The following HUWE1 variants were observed in gnomAD, a reference collection of about 807,000 sequenced individuals.
The protein encoded by HUWE1 is E3 ubiquitin-protein ligase HUWE1.
A neutral mutation model predicts 299.4 loss-of-function variants in HUWE1; 18 were observed. The observed-to-expected ratio is 0.06, with a 90% CI of 0.04 to 0.09. The LOEUF is 0.09. HUWE1 is among the 10% of genes least tolerant of loss of function. The probability of loss-of-function intolerance (pLI) is 1.00; values close to 1 mark genes in which losing one functional copy is unlikely to be tolerated. For synonymous variants in HUWE1, 1,317 were observed against 1,286.1 expected (o/e 1.02, Z -0.51); for missense variants, 1,832 against 3,462.3 (o/e 0.53, Z 11.82).
At chrX:53,604,245 T>C (rs1049079862) in intron 26 of HUWE1, among the ~76,000 whole-genome samples, 1 of 112,066 alleles carries the variant, frequency 8.9e-6, no homozygotes, top group African/African-American at 3.3e-5. Context: ...TTAATTACTA[T>C]TGATTTAAAT....
rs1346083551 is a variant in HUWE1, at chrX:53,592,475, G to C, written c.3895C>G (p.Arg1299Gly). 3.3e-6 allele frequency: 4 copies of C among 1,208,433 alleles called. No homozygotes were observed. The East Asian group carries it at 1.2e-4, about 36-fold the overall frequency. The change falls in exon 33 of 84, where the codon CGA becomes GGA. Residue 1299 changes from arginine to glycine, a missense_variant. This residue lies in a region of HUWE1 where 658 missense variants were observed against 1,282.6 expected (regional missense o/e 0.51). Transcript: ENST00000262854. ...TCTTGCCCTGTATCCTCTTCTCCTC[G>C]AGACCCCTCCTTCTCCTTGCTTAGT... Reference protein sequence around the residue: ...ERLSKEKEGSRGEEDTGQEEG... With the variant: ...ERLSKEKEGSGGEEDTGQEEG...
At chrX:53,666,980 T>A (rs782163207) in intron 3 of HUWE1, among the ~76,000 whole-genome samples, 4 of 112,423 alleles carry the variant, frequency 3.6e-5, no homozygotes, top group Non-Finnish European at 7.5e-5. Flanking sequence ...AACCTTCATC[T>A]TTCCATTCAA....
Position 53,547,655 on chromosome X carries a change from G to T in HUWE1, c.10636+18C>A, listed in dbSNP as rs782426327. The T allele has an allele frequency of 2.5e-6, 3 of 1,207,926 alleles. No homozygotes were observed. The East Asian group carries it at 8.9e-5, about 36-fold the overall frequency. On this transcript the variant is annotated intron_variant, in intron 68 of 83. Coordinates refer to ENST00000262854, the MANE Select transcript of HUWE1 (RefSeq NM_031407.7). ...CACAGTATATACCCCACAGCTCCCA[G>T]TCTACATCCACACTTACTTGAAACA...
chrX:53,548,048 T>A lies in HUWE1; in HGVS notation c.10261A>T (p.Thr3421Ser), dbSNP rs781983186. ...VPVSAGGEGETSPYSLEASPL... is the reference protein window; with the variant it reads ...VPVSAGGEGESSPYSLEASPL... ...GAGGCCTCGAGGCTGTATGGAGAGG[T>A]TTCCCCCTCACCGCCAGCGCTCACT... is the stretch of plus-strand genomic sequence containing the variant. Residue 3421 changes from threonine (T) to serine (S), a missense_variant, in exon 68 of 84, where the codon ACC (threonine) becomes TCC (serine). Thr to Ser is a moderately conservative substitution (Grantham distance 58). Coordinates refer to ENST00000262854, the MANE Select transcript of HUWE1 (RefSeq NM_031407.7). 62 of 1,207,987 alleles carry A rather than the reference T, an allele frequency of 5.1e-5. No homozygotes were observed. The South Asian group carries it at 8.5e-4, about 17-fold the overall frequency.
At chrX:53,625,808 GCCGGGGCCAGGGCCGGGACCAGGA>G (rs782713285) in intron 17 of HUWE1, 8 of 123,997 alleles carry the variant, frequency 6.5e-5, no homozygotes, top group East Asian at 2.7e-4. Flanking sequence ...CAGGGCCAGG[GCCGGGGCCAGGGCCGGGACCAGGA>G]CCGGGGCCGG....
At chrX:53,661,866 T>C (rs1557045688) in intron 3 of HUWE1, among the ~76,000 whole-genome samples, 1 of 112,194 alleles carries the variant, frequency 8.9e-6, no homozygotes. Flanking sequence ...ATCTTGGTTT[T>C]GTACAGTTTA....
chrX:53,534,279 G>T, intron 82 of HUWE1, 82 bp from the exon 83 acceptor site: 2 of 887,442 alleles, frequency 2.3e-6, no homozygotes, highest in South Asian at 2.1e-5. Context: ...TAGGAAACAG[G>T]ACTGGACTTG....
chrX:53,581,056 T>A, intron 42 of HUWE1, 30 bp from the exon 43 acceptor site: 1 of 1,111,208 alleles, frequency 9.0e-7, no homozygotes, highest in African/African-American at 1.8e-5. Context: ...ACACTGTCGA[T>A]TAAACACTAC....
At chrX:53,534,260 G>T in intron 82 of HUWE1, 63 bp from the exon 83 acceptor site, 1 of 999,770 alleles carries the variant, frequency 1.0e-6, no homozygotes, top group East Asian at 3.1e-5. Context: ...GGGTGGGGGG[G>T]ATGGAATCTA....
rs782540116 is a variant in HUWE1 at position 53,627,443 on chromosome X, G to C, written c.1456C>G (p.Gln486Glu). ...TCAGTTTCCATTTCCTCTCCTTCTT[G>C]TGTAGTATTGGGTCTCTGGATCTTT... ...KPKIQRPNTT[Q>E]EGEEMETDMD... Residue 486 changes from glutamine to glutamate, a missense_variant, in exon 17 of 84, where the codon CAA (glutamine) becomes GAA (glutamate). Coordinates refer to ENST00000262854, the MANE Select transcript of HUWE1 (RefSeq NM_031407.7). 1.7e-6 allele frequency: 2 copies of C among 1,188,893 alleles called. No individual in the cohort carries two copies. The highest frequency in any genetic ancestry group is 3.0e-5 in the East Asian group (1 of 33,621).
chrX:53,622,522 T>C (rs1384761399), intron 19 of HUWE1, among the ~76,000 whole-genome samples: 5 of 111,447 alleles, frequency 4.5e-5, no homozygotes, highest in Non-Finnish European at 9.4e-5. Flanking sequence ...TTTAGGTATT[T>C]CCAATTCTGT....
At chrX:53,533,756 C>T (rs2060874434) in intron 83 of HUWE1, 6 of 446,398 alleles carry the variant, frequency 1.3e-5, no homozygotes, top group Non-Finnish European at 2.4e-5. Flanking sequence ...CTCCTTGCTC[C>T]AGTCACGCTG....
chrX:53,575,324 C>T (rs782281892), intron 45 of HUWE1, 103 bp from the exon 46 acceptor site: 16 of 614,460 alleles, frequency 2.6e-5, no homozygotes, highest in Non-Finnish European at 4.1e-5. Flanking sequence ...GCCACAGATT[C>T]TCTTTGGCCA....
At chrX:53,680,786 A>G (rs1213713850) in intron 2 of HUWE1, 1 of 112,559 alleles carries the variant, frequency 8.9e-6, no homozygotes, top group African/African-American at 3.2e-5. Context: ...ATTGAGGTTT[A>G]ATAAATTTGT....
chrX:53,628,451 T>TC (rs1212867105), intron 15 of HUWE1, 42 bp downstream of exon 15: 2 of 1,130,540 alleles, frequency 1.8e-6, no homozygotes, highest in Admixed American at 5.9e-5. Context: ...TTAGTTGATT[T>TC]CCCCATGTAG....
chrX:53,596,559 G>A (rs1279301640), intron 29 of HUWE1, among the ~76,000 whole-genome samples: 7 of 112,030 alleles, frequency 6.2e-5, no homozygotes, highest in Non-Finnish European at 1.3e-4. Context: ...TAATTTTGTA[G>A]CCACGACCTG....
intron 32 of HUWE1, 22 bp from the exon 33 acceptor site, chrX:53,592,650 T>C (rs782035164): frequency 1.4e-5 from 15 of 1,086,945 alleles, no homozygotes; most frequent in Admixed American, 1.2e-4. Flanking sequence ...TTGAAAAGTG[T>C]GTGAAAATCA....
At chrX:53,570,194 C>T (rs1556949806) in intron 47 of HUWE1, among the ~76,000 whole-genome samples, 1 of 106,266 alleles carries the variant, frequency 9.4e-6, no homozygotes, top group Non-Finnish European at 1.9e-5. Context: ...GCATGATCAT[C>T]GCACACCACA....
At position 53,596,304 on chromosome X, in the gene HUWE1, ACT is replaced by A. The variant is rs781789775; in HGVS notation, c.3164-903_3164-902del. Among the ~76,000 whole-genome samples, 17 of 110,964 alleles carry A rather than the reference ACT, an allele frequency of 1.5e-4. No individual in the cohort carries two copies. The South Asian group carries it at 6.1e-3, about 40-fold the overall frequency. ...TGGAGATTGGTGACAATTTGAAAAA[ACT>A]CTCAGATGAAACATGTAGCCTCAAA... On this transcript the variant is annotated intron_variant, in intron 29 of 83. Coordinates refer to ENST00000262854, the MANE Select transcript of HUWE1 (RefSeq NM_031407.7).
Sources: gnomAD v4.1 joint callset for allele counts (sites outside exome capture counted in the v4.1 genomes callset) on GRCh38, gnomAD v4.1.1 for gene constraint, gnomAD v4.1.1 regional missense constraint, MANE v1.5 for transcripts, NCBI Gene and HGNC (gene_info 2026-07-23, HGNC 2026-07-21) for gene names.